The following CAMTA1 variants were observed in gnomAD, a reference collection of about 807,000 sequenced individuals.
The protein encoded by CAMTA1 is calmodulin-binding transcription activator 1.
A neutral mutation model predicts 170.9 loss-of-function variants in CAMTA1; 27 were observed. The observed-to-expected ratio is 0.16, with a 90% confidence interval of 0.12 to 0.22. The LOEUF is 0.22. Among genes scored for constraint, CAMTA1 ranks in the 10% least tolerant of loss-of-function variants. The pLI is 1.00. For synonymous variants in CAMTA1, 833 were observed against 891.5 expected, an observed-to-expected ratio of 0.93 and a Z score of 1.17; for missense variants, 1,619 against 2,217.2, an observed-to-expected ratio of 0.73 and a Z score of 5.42.
At chr1:7,335,164 T>TGGGGTG (rs2083303129) in intron 5 of CAMTA1, among the ~76,000 whole-genome samples, 1 of 34,526 alleles carries the variant, frequency 2.9e-5, no homozygotes, top group Non-Finnish European at 5.5e-5. Context: ...GGGGTGGGGG[T>TGGGGTG]GGGGGGTGTC....
chr1:7,229,132 G>C (rs575258797), intron 4 of CAMTA1, among the ~76,000 whole-genome samples: 1 of 152,048 alleles, frequency 6.6e-6, no homozygotes, highest in Non-Finnish European at 1.5e-5. Context: ...AGCAGGGCCT[G>C]GGGCAGAGGA....
chr1:6,799,655 G>A (rs1185707403), intron 1 of CAMTA1, among the ~76,000 whole-genome samples: 1 of 152,120 alleles, frequency 6.6e-6, no homozygotes, highest in African/African-American at 2.4e-5. Flanking sequence ...TTTTCCTAGC[G>A]ATGACCTCGA....
At chr1:6,842,293 G>C (rs187087263) in intron 3 of CAMTA1, among the ~76,000 whole-genome samples, 2 of 152,326 alleles carry the variant, frequency 1.3e-5, no homozygotes, top group South Asian at 4.1e-4. Context: ...ACAAGTGGGC[G>C]TCATAGTGAG....
rs1466155169 is a variant in CAMTA1 at position 7,561,480 on chromosome 1, A to T, written c.511-78920A>T. Among the ~76,000 whole-genome samples the T allele has an allele frequency of 6.6e-6, 1 of 151,714 alleles. No homozygotes were observed. Among genetic ancestry groups the T allele is most frequent in the East Asian group, 2.0e-4 (1 of 5,082 alleles). On this transcript the variant is annotated intron_variant, in intron 6 of 22. Transcript: ENST00000303635. The surrounding 1 kb of genome is among the most constrained non-coding windows in gnomAD (Gnocchi z 5.3). ...CTGCTGGGCACACCCCAGCGGCACC[A>T]GCACACTCCTCATCCTCTAGGATGA...
At chr1:7,203,006 G>A (rs1656994051) in intron 4 of CAMTA1, among the ~76,000 whole-genome samples, 1 of 152,106 alleles carries the variant, frequency 6.6e-6, no homozygotes, top group Admixed American at 6.5e-5. Flanking sequence ...GTTAGCTGTG[G>A]GACTTTTGTA....
chr1:7,487,977 C>G (rs1157412730), intron 6 of CAMTA1, among the ~76,000 whole-genome samples: 1 of 152,180 alleles, frequency 6.6e-6, no homozygotes, highest in Non-Finnish European at 1.5e-5. Flanking sequence ...TCCCACACAG[C>G]CTCTCAGGAA....
intron 5 of CAMTA1, among the ~76,000 whole-genome samples, chr1:7,398,179 CTCTCTCTCTCTCTCTATATATATA>C (rs1331724557): frequency 9.1e-5 from 4 of 43,740 alleles, no homozygotes; most frequent in African/African-American, 3.6e-4. Flanking sequence ...CTCTCTCTCT[CTCTCTCTCTCTCTCTATATATATA>C]TATATATATA....
At chr1:7,262,388 C>A (rs1467382623) in intron 5 of CAMTA1, among the ~76,000 whole-genome samples, 1 of 152,032 alleles carries the variant, frequency 6.6e-6, no homozygotes, top group Non-Finnish European at 1.5e-5. Context: ...ATGGTGAAAC[C>A]CCGTCTCTAC....
At chr1:7,550,594 G>A (rs905344902) in intron 6 of CAMTA1, among the ~76,000 whole-genome samples, 1 of 144,248 alleles carries the variant, frequency 6.9e-6, no homozygotes, top group Non-Finnish European at 1.5e-5. Flanking sequence ...CCTCTTTAAC[G>A]TGATCTTTTC....
intron 11 of CAMTA1, among the ~76,000 whole-genome samples, chr1:7,711,424 T>A (rs1274751468): frequency 6.6e-6 from 1 of 152,060 alleles, no homozygotes; most frequent in Non-Finnish European, 1.5e-5. Flanking sequence ...GAAGGGACGC[T>A]AGGGGGGCCA....
rs2096077361 is a variant in CAMTA1 at position 7,673,352 on chromosome 1, C to T, written c.2779+2315C>T. Among the ~76,000 whole-genome samples the T allele has an allele frequency of 6.6e-6, 1 of 152,264 alleles. No homozygotes were observed. Among genetic ancestry groups the T allele is most frequent in the Non-Finnish European group, 1.5e-5 (1 of 68,052 alleles). The stretch of plus-strand genomic sequence containing the variant: ...TTCTACAGCTCTGAAAACTGCCTGC[C>T]AGCAGGGCGAGAGCAGTGAGTGAGA... On this transcript the variant is annotated intron_variant, in intron 10 of 22. Transcript: ENST00000303635. The surrounding 1 kb of genome is among the most constrained non-coding windows in gnomAD (Gnocchi z 4.6).
chr1:7,263,106 A>C (rs1362547651), intron 5 of CAMTA1, among the ~76,000 whole-genome samples: 1 of 151,924 alleles, frequency 6.6e-6, no homozygotes, highest in African/African-American at 2.4e-5. Context: ...TTTCCCTTTC[A>C]TAACACCTGG....
chr1:7,108,786 T>C (rs1412460394), intron 4 of CAMTA1, among the ~76,000 whole-genome samples: 1 of 152,224 alleles, frequency 6.6e-6, no homozygotes, highest in Non-Finnish European at 1.5e-5. Flanking sequence ...CCTCAAAACT[T>C]AGTGGCTTAA....
intron 6 of CAMTA1, among the ~76,000 whole-genome samples, chr1:7,619,438 A>ATAGCACATGACACATAGC (rs1443876798): frequency 1.3e-5 from 2 of 152,078 alleles, no homozygotes; most frequent in East Asian, 3.9e-4. Context: ...CAGGTGTCAC[A>ATAGCACATGACACATAGC]AGGAAGAAGA....
chr1:7,400,022 G>T (rs1003394831), intron 5 of CAMTA1, among the ~76,000 whole-genome samples: 2 of 152,174 alleles, frequency 1.3e-5, no homozygotes, highest in Non-Finnish European at 2.9e-5. Context: ...TCTCTATCAA[G>T]ACTTGGACAA....
chr1:7,098,571 G>A (rs1398804095), intron 4 of CAMTA1, among the ~76,000 whole-genome samples: 1 of 152,128 alleles, frequency 6.6e-6, no homozygotes, highest in Non-Finnish European at 1.5e-5. Context: ...AGTGTCTGGC[G>A]GTGTCTCGAC....
At chr1:7,190,490 T>A (rs1364514490) in intron 4 of CAMTA1, among the ~76,000 whole-genome samples, 3 of 152,184 alleles carry the variant, frequency 2.0e-5, no homozygotes, top group African/African-American at 2.4e-5. Flanking sequence ...ATAACTTTTT[T>A]AAACACACAG....
intron 4 of CAMTA1, among the ~76,000 whole-genome samples, chr1:7,148,058 C>T (rs1646333134): frequency 6.6e-6 from 1 of 151,670 alleles, no homozygotes. Flanking sequence ...TGCACGTATG[C>T]ACACAAACAC....
At chr1:7,380,481 G>A (rs1301412761) in intron 5 of CAMTA1, among the ~76,000 whole-genome samples, 1 of 152,236 alleles carries the variant, frequency 6.6e-6, no homozygotes, top group Non-Finnish European at 1.5e-5. Context: ...GGCTGAGGCA[G>A]GAGAACTGCT....
Sources: allele counts gnomAD v4.1 joint callset (sites outside exome capture counted in the v4.1 genomes callset), GRCh38; gene constraint gnomAD v4.1.1; non-coding constraint Gnocchi (gnomAD v3.1); transcripts MANE v1.5; gene names NCBI Gene and HGNC (gene_info 2026-07-23, HGNC 2026-07-21).